The following ATG10 variants were observed in gnomAD, a reference collection of about 807,000 sequenced individuals.
ATG10 encodes the protein autophagy related 10.
ATG10 carries 30 observed loss-of-function variants against 32.1 expected under a neutral mutation model. That is an observed-to-expected ratio of 0.94 (90% CI 0.70 to 1.27). The LOEUF is 1.27. Ranked by LOEUF, ATG10 falls within the 50% of genes most tolerant of loss-of-function variation. The pLI is 0.00. For synonymous variants in ATG10, 87 were observed against 91.5 expected (o/e 0.95, Z 0.28); for missense variants, 233 against 262.3 (o/e 0.89, Z 0.77).
intron 2 of ATG10, among the ~76,000 whole-genome samples, chr5:82,011,778 G>A (rs966322380): frequency 9.2e-5 from 14 of 152,112 alleles, no homozygotes; most frequent in African/African-American, 3.1e-4. Flanking sequence ...TGTCCTCTGC[G>A]TCTACACAAA....
At chr5:82,084,672 G>A (rs1466705866) in intron 3 of ATG10, among the ~76,000 whole-genome samples, 8 of 152,026 alleles carry the variant, frequency 5.3e-5, no homozygotes, top group South Asian at 2.1e-4. Context: ...AGTGGGGGAC[G>A]GTATTCAACA....
intron 2 of ATG10, chr5:81,992,361 AC>A (rs1761489361): frequency 6.6e-6 from 1 of 151,926 alleles, no homozygotes; most frequent in Non-Finnish European, 1.5e-5. Flanking sequence ...TCACTTTGGC[AC>A]CATCCATTTT....
chr5:82,148,674 C>A (rs1374710880), intron 3 of ATG10, among the ~76,000 whole-genome samples: 1 of 152,194 alleles, frequency 6.6e-6, no homozygotes. Flanking sequence ...TCATACCAAT[C>A]TTTACAATTC....
At chr5:82,208,366 T>G (rs1032521565) in intron 5 of ATG10, among the ~76,000 whole-genome samples, 1 of 152,164 alleles carries the variant, frequency 6.6e-6, no homozygotes, top group African/African-American at 2.4e-5. Flanking sequence ...TTATAATAAG[T>G]TGGATCTAGA....
At chr5:82,177,667 T>A (rs1268715547) in intron 4 of ATG10, among the ~76,000 whole-genome samples, 2 of 152,126 alleles carry the variant, frequency 1.3e-5, no homozygotes, top group African/African-American at 4.8e-5. Flanking sequence ...ATTTTTCCAC[T>A]TTACTTACCT....
At chr5:82,080,496 G>T (rs907295963) in intron 3 of ATG10, among the ~76,000 whole-genome samples, 2 of 152,280 alleles carry the variant, frequency 1.3e-5, no homozygotes, top group Non-Finnish European at 2.9e-5. Context: ...ATGGTTTTAG[G>T]TCTAACATTT....
At chr5:82,013,811 AATTGTCTATTCATG>A (rs1169699418) in intron 2 of ATG10, among the ~76,000 whole-genome samples, 1 of 151,846 alleles carries the variant, frequency 6.6e-6, no homozygotes, top group Non-Finnish European at 1.5e-5. Flanking sequence ...TTCTTTTGAG[AATTGTCTATTCATG>A]TCCTTAGCCC....
chr5:82,069,490 T>G (rs1461589628), intron 3 of ATG10, among the ~76,000 whole-genome samples: 7 of 152,170 alleles, frequency 4.6e-5, no homozygotes, highest in Non-Finnish European at 1.0e-4. Context: ...CAAAACATTT[T>G]CAAACTGGAA....
chr5:82,223,764 C>T (rs1468292132), intron 5 of ATG10, among the ~76,000 whole-genome samples: 1 of 152,046 alleles, frequency 6.6e-6, no homozygotes, highest in African/African-American at 2.4e-5. Flanking sequence ...AGTGCTAGGT[C>T]ACTGATAGAA....
At chr5:82,238,574 A>G (rs1386527580) in intron 5 of ATG10, among the ~76,000 whole-genome samples, 1 of 152,216 alleles carries the variant, frequency 6.6e-6, no homozygotes, top group East Asian at 1.9e-4. Flanking sequence ...ACTAGAATGT[A>G]AATTCTATGA....
chr5:82,001,427 G>A (rs1274208816), intron 2 of ATG10, among the ~76,000 whole-genome samples: 1 of 152,138 alleles, frequency 6.6e-6, no homozygotes, highest in African/African-American at 2.4e-5. Context: ...AACCAAAATA[G>A]CATGGTACTG....
intron 2 of ATG10, among the ~76,000 whole-genome samples, chr5:82,055,965 A>G (rs778200454): frequency 2.6e-5 from 4 of 152,206 alleles, no homozygotes; most frequent in East Asian, 3.9e-4. Context: ...AACTATGTCT[A>G]TAGCCTACGT....
At chr5:82,081,905 G>A (rs574937592) in intron 3 of ATG10, among the ~76,000 whole-genome samples, 91 of 152,256 alleles carry the variant, frequency 6.0e-4, no homozygotes, top group Non-Finnish European at 1.1e-3. Flanking sequence ...GTCTTTTTCT[G>A]TTGATTGGAA....
intron 2 of ATG10, among the ~76,000 whole-genome samples, chr5:81,993,360 C>CTTTTCTTTTCTTTTCTTTTCTT: frequency 6.4e-5 from 3 of 46,796 alleles, no homozygotes; most frequent in African/African-American, 9.1e-5. Flanking sequence ...TCTTTCTTTC[C>CTTTTCTTTTCTTTTCTTTTCTT]TTCTTTTCTT....
intron 4 of ATG10, among the ~76,000 whole-genome samples, chr5:82,176,924 A>G (rs1292233536): frequency 6.6e-6 from 1 of 152,228 alleles, no homozygotes; most frequent in Non-Finnish European, 1.5e-5. Flanking sequence ...TTGAAAATAA[A>G]GGTTGAGGAA....
At chr5:82,032,382 C>T (rs1762767012) in intron 2 of ATG10, among the ~76,000 whole-genome samples, 1 of 151,992 alleles carries the variant, frequency 6.6e-6, no homozygotes, top group Non-Finnish European at 1.5e-5. Flanking sequence ...TTGCCTGCTT[C>T]ACAATATTCC....
chr5:82,161,674 C>T (rs572368893), intron 3 of ATG10, among the ~76,000 whole-genome samples: 1 of 106,574 alleles, frequency 9.4e-6, no homozygotes, highest in South Asian at 3.0e-4. Context: ...AGAAATAGCT[C>T]AATAGAGAAG....
intron 5 of ATG10, among the ~76,000 whole-genome samples, chr5:82,183,008 G>A (rs889380238): frequency 6.6e-6 from 1 of 151,982 alleles, no homozygotes; most frequent in African/African-American, 2.4e-5. Context: ...GCCTTTCAAA[G>A]TGATGGGATT....
At chr5:82,199,734 T>G (rs1744993327) in intron 5 of ATG10, among the ~76,000 whole-genome samples, 1 of 152,206 alleles carries the variant, frequency 6.6e-6, no homozygotes, top group Non-Finnish European at 1.5e-5. Context: ...AATGCAGAGA[T>G]GTGTAACTGA....
Sources: gnomAD v4.1 joint callset for allele counts (sites outside exome capture counted in the v4.1 genomes callset) on GRCh38, gnomAD v4.1.1 for gene constraint, MANE v1.5 for transcripts, NCBI Gene and HGNC (gene_info 2026-07-23, HGNC 2026-07-21) for gene names.